The following GPC5 variants were observed in gnomAD, a reference collection of about 807,000 sequenced individuals.
The protein encoded by GPC5 is glypican-5.
A neutral mutation model predicts 53.9 loss-of-function variants in GPC5; 47 were observed. That is an observed-to-expected ratio of 0.87 (90% CI 0.69 to 1.11). The LOEUF is 1.11. GPC5 is among the 50% of genes most tolerant of loss of function. The pLI, the probability that GPC5 is intolerant of heterozygous loss-of-function variation, is 0.00. For missense variants in GPC5, 748 were observed against 713.1 expected, an observed-to-expected ratio of 1.05 and a Z score of -0.56; for synonymous variants, 286 against 263.3, an observed-to-expected ratio of 1.09 and a Z score of -0.84.
chr13:92,603,064 T>A (rs753378489), intron 7 of GPC5, among the ~76,000 whole-genome samples: 6 of 152,216 alleles, frequency 3.9e-5, no homozygotes, highest in Non-Finnish European at 8.8e-5. Context: ...CATAACTGAT[T>A]TCAGTCACTG....
intron 2 of GPC5, among the ~76,000 whole-genome samples, chr13:91,601,291 A>G (rs1460958513): frequency 2.0e-5 from 3 of 152,184 alleles, no homozygotes; most frequent in African/African-American, 7.2e-5. Context: ...ATATTACCTA[A>G]TGAAATTTAT....
chr13:92,849,167 G>T (rs1273852237), intron 7 of GPC5, among the ~76,000 whole-genome samples: 1 of 152,072 alleles, frequency 6.6e-6, no homozygotes, highest in Non-Finnish European at 1.5e-5. Flanking sequence ...CATCATCACA[G>T]CCTAAGGTCT....
chr13:92,274,437 C>A (rs908126430), intron 7 of GPC5, among the ~76,000 whole-genome samples: 25 of 152,246 alleles, frequency 1.6e-4, no homozygotes, highest in African/African-American at 6.0e-4. Context: ...ACATACCACC[C>A]TTCTCCTGAG....
chr13:91,763,457 C>A (rs1324969042), intron 5 of GPC5, among the ~76,000 whole-genome samples: 1 of 152,048 alleles, frequency 6.6e-6, no homozygotes, highest in Non-Finnish European at 1.5e-5. Flanking sequence ...CGTGCAAAGA[C>A]CTGCCCAAAG....
intron 6 of GPC5, among the ~76,000 whole-genome samples, chr13:91,936,869 T>G (rs958027706): frequency 6.6e-6 from 1 of 151,990 alleles, no homozygotes; most frequent in African/African-American, 2.4e-5. Flanking sequence ...TTTGACATTT[T>G]CCAAGCCAGT....
At chr13:91,945,870 A>T (rs976349280) in intron 6 of GPC5, among the ~76,000 whole-genome samples, 1 of 152,200 alleles carries the variant, frequency 6.6e-6, no homozygotes, top group South Asian at 2.1e-4. Flanking sequence ...AAAGTGATTC[A>T]TACACTTTTA....
At chr13:92,554,998 T>C (rs1882445762) in intron 7 of GPC5, among the ~76,000 whole-genome samples, 1 of 150,636 alleles carries the variant, frequency 6.6e-6, no homozygotes, top group African/African-American at 2.4e-5. Flanking sequence ...AAGTGGGAAA[T>C]AGGGAGTTAC....
intron 2 of GPC5, among the ~76,000 whole-genome samples, chr13:91,573,543 T>C (rs1014930734): frequency 2.0e-5 from 3 of 152,192 alleles, no homozygotes; most frequent in African/African-American, 7.2e-5. Flanking sequence ...CTATGTGAAA[T>C]GCCTCTTAAG....
intron 4 of GPC5, among the ~76,000 whole-genome samples, chr13:91,743,521 C>T (rs1355907785): frequency 5.9e-5 from 9 of 151,962 alleles, no homozygotes; most frequent in Non-Finnish European, 1.0e-4. Context: ...AATCTATCAA[C>T]GGCATTTAAA....
chr13:92,737,291 A>T (rs1267725010), intron 7 of GPC5, among the ~76,000 whole-genome samples: 2 of 152,076 alleles, frequency 1.3e-5, no homozygotes, highest in East Asian at 3.9e-4. Flanking sequence ...AATAGTTCAG[A>T]AAAAATGCAG....
At chr13:91,770,781 T>C (rs1305332664) in intron 5 of GPC5, among the ~76,000 whole-genome samples, 1 of 151,420 alleles carries the variant, frequency 6.6e-6, no homozygotes, top group Non-Finnish European at 1.5e-5. Context: ...CAAAGATTTA[T>C]ATAATTTGAA....
intron 5 of GPC5, among the ~76,000 whole-genome samples, chr13:91,806,973 A>G (rs1188620509): frequency 6.6e-6 from 1 of 152,202 alleles, no homozygotes; most frequent in Non-Finnish European, 1.5e-5. Flanking sequence ...GTTTTAATGC[A>G]TTTAATGCAT....
intron 7 of GPC5, among the ~76,000 whole-genome samples, chr13:92,723,894 T>C (rs1888568461): frequency 6.6e-6 from 1 of 151,534 alleles, no homozygotes; most frequent in Non-Finnish European, 1.5e-5. Flanking sequence ...ATAGAGTACT[T>C]TGGAAAAAAT....
At chr13:92,497,529 A>G (rs1880021491) in intron 7 of GPC5, among the ~76,000 whole-genome samples, 2 of 152,156 alleles carry the variant, frequency 1.3e-5, no homozygotes, top group African/African-American at 2.4e-5. Context: ...GTTTGAAGTC[A>G]GGTAGCGTGA....
chr13:92,800,148 A>G (rs1032298023), intron 7 of GPC5, among the ~76,000 whole-genome samples: 2 of 151,886 alleles, frequency 1.3e-5, no homozygotes, highest in African/African-American at 4.8e-5. Flanking sequence ...CTTCTGACAC[A>G]CACAGCCTTC....
chr13:91,482,958 A>G (rs1883388734), intron 2 of GPC5, among the ~76,000 whole-genome samples: 1 of 152,008 alleles, frequency 6.6e-6, no homozygotes, highest in Non-Finnish European at 1.5e-5. Context: ...AATTGAAGTC[A>G]ACCTCTGATT....
chr13:91,772,584 T>C (rs2037643622), intron 5 of GPC5, among the ~76,000 whole-genome samples: 1 of 152,172 alleles, frequency 6.6e-6, no homozygotes, highest in Admixed American at 6.5e-5. Context: ...AGGTATTTCC[T>C]TCAATGTCAC....
intron 7 of GPC5, among the ~76,000 whole-genome samples, chr13:92,248,863 C>A (rs943806683): frequency 6.6e-6 from 1 of 151,946 alleles, no homozygotes; most frequent in African/African-American, 2.4e-5. Flanking sequence ...TGTTTATTGA[C>A]AAGGTTAATC....
intron 7 of GPC5, among the ~76,000 whole-genome samples, chr13:92,222,003 G>A (rs565799120): frequency 1.3e-5 from 2 of 152,316 alleles, no homozygotes; most frequent in South Asian, 4.1e-4. Context: ...ATATTTGAGT[G>A]TTGGGTGTGA....
Sources: gnomAD v4.1 joint callset for allele counts (sites outside exome capture counted in the v4.1 genomes callset) on GRCh38, gnomAD v4.1.1 for gene constraint, MANE v1.5 for transcripts, NCBI Gene and HGNC (gene_info 2026-07-23, HGNC 2026-07-21) for gene names.